The following DTNA variants were observed in gnomAD, a reference collection of about 807,000 sequenced individuals.
DTNA encodes dystrophin-related protein 3.
In DTNA, 43 loss-of-function variants were observed where a neutral mutation model predicts 100.7. The observed-to-expected ratio is 0.43, with a 90% CI of 0.33 to 0.55. The LOEUF (loss-of-function observed/expected upper bound fraction) is 0.55. Among genes scored for constraint, DTNA ranks in the 20% least tolerant of loss-of-function variants. The pLI, the probability that DTNA is intolerant of heterozygous loss-of-function variation, is 0.04. For missense variants in DTNA, 798 were observed against 953.9 expected, an observed-to-expected ratio of 0.84 and a Z score of 2.15; for synonymous variants, 349 against 347.9, an observed-to-expected ratio of 1.00 and a Z score of -0.04.
At chr18:34,788,949 T>A (rs2094605442) in intron 3 of DTNA, among the ~76,000 whole-genome samples, 1 of 152,226 alleles carries the variant, frequency 6.6e-6, no homozygotes, top group African/African-American at 2.4e-5. Flanking sequence ...TCATCTATTA[T>A]GTAAATACAC....
intron 1 of DTNA, among the ~76,000 whole-genome samples, chr18:34,662,289 G>A (rs1047980063): frequency 6.6e-6 from 1 of 152,044 alleles, no homozygotes; most frequent in Non-Finnish European, 1.5e-5. Flanking sequence ...AATGTGACTG[G>A]TCTCCTTGAC....
At position 34,851,917 on chromosome 18, in the gene DTNA, A is replaced by T. The variant is rs1326471049; in HGVS notation, c.1521A>T (p.Glu507Asp). Reference sequence around the variant, plus strand: ...AAAGGCAGCTGATTGCTGAGCTAGAAAACAAGAACAGGTGAGACTTTGTAG... The same window carrying T: ...AAAGGCAGCTGATTGCTGAGCTAGATAACAAGAACAGGTGAGACTTTGTAG... ...KQQRQLIAEL[E>D]NKNREILQEI... The change falls in exon 15 of 23, where the codon GAA (glutamate) becomes GAT (aspartate). Residue 507 changes from glutamate (E) to aspartate (D), a missense_variant. Physicochemically the swap from Glu to Asp is conservative, Grantham distance 45. Transcript: ENST00000444659. 2 of 1,613,914 alleles carry T rather than the reference A, an allele frequency of 1.2e-6. No homozygotes were observed. Among genetic ancestry groups the T allele is most frequent in the Admixed American group, 3.3e-5 (2 of 60,002 alleles).
At chr18:34,786,760 T>G (rs904861887) in intron 3 of DTNA, among the ~76,000 whole-genome samples, 3 of 152,230 alleles carry the variant, frequency 2.0e-5, no homozygotes, top group African/African-American at 7.2e-5. Flanking sequence ...CACATCATAA[T>G]GCAATGAGTG....
chr18:34,746,891 G>C (rs2091667812), intron 1 of DTNA, among the ~76,000 whole-genome samples: 1 of 152,062 alleles, frequency 6.6e-6, no homozygotes, highest in Non-Finnish European at 1.5e-5. Flanking sequence ...CTCTTACCAA[G>C]CCAAATGTCA....
chr18:34,675,084 G>A (rs2145237911), intron 1 of DTNA, among the ~76,000 whole-genome samples: 1 of 152,228 alleles, frequency 6.6e-6, no homozygotes, highest in Admixed American at 6.5e-5. Flanking sequence ...AGGACTCAAA[G>A]GAACTCGGAC....
chr18:34,647,952 A>G (rs2060037146), intron 1 of DTNA, among the ~76,000 whole-genome samples: 1 of 152,208 alleles, frequency 6.6e-6, no homozygotes, highest in Non-Finnish European at 1.5e-5. Flanking sequence ...GCTGTAAAAG[A>G]AAGCAGTAGG....
chr18:34,824,224 C>G lies in DTNA; in HGVS notation c.1001+3309C>G, dbSNP rs577185184. On this transcript the variant is annotated intron_variant, in intron 9 of 22. Coordinates refer to ENST00000444659, the MANE Select transcript of DTNA (RefSeq NM_001386795.1). The stretch of plus-strand genomic sequence containing the variant: ...GGCACAGTGGCTCACGCCTGTAATC[C>G]CAGCACTTGGGGAGGCTGAGGCGGG... Among the ~76,000 whole-genome samples the G allele has an allele frequency of 4.6e-5, 7 of 152,266 alleles. No homozygotes were observed. In the South Asian group the frequency reaches 1.5e-3, roughly 32 times the overall value.
At chr18:34,671,877 C>T (rs2076805446) in intron 1 of DTNA, among the ~76,000 whole-genome samples, 1 of 152,110 alleles carries the variant, frequency 6.6e-6, no homozygotes, top group South Asian at 2.1e-4. Flanking sequence ...CAAATGAATG[C>T]ATGGAAATTA....
At chr18:34,803,797 A>T (rs114934098) in intron 4 of DTNA, among the ~76,000 whole-genome samples, 1 of 152,210 alleles carries the variant, frequency 6.6e-6, no homozygotes, top group Non-Finnish European at 1.5e-5. Flanking sequence ...TTGCATTTCT[A>T]TTACAGCTAC....
At chr18:34,602,730 G>A (rs2052167605) in intron 1 of DTNA, among the ~76,000 whole-genome samples, 1 of 151,722 alleles carries the variant, frequency 6.6e-6, no homozygotes, top group Admixed American at 6.6e-5. Flanking sequence ...CAAAAAAAGA[G>A]GCCCGGCGTG....
intron 4 of DTNA, 120 bp from the exon 5 acceptor site, chr18:34,806,099 A>G (rs2095353295): frequency 7.3e-6 from 6 of 822,426 alleles, no homozygotes; most frequent in Admixed American, 2.0e-5. Context: ...GCATGCAGCT[A>G]TGTATCCTGT....
intron 1 of DTNA, among the ~76,000 whole-genome samples, chr18:34,746,795 G>T (rs1350501719): frequency 2.0e-5 from 3 of 152,130 alleles, no homozygotes; most frequent in African/African-American, 7.2e-5. Context: ...ATGCCAATCT[G>T]CTCCCAGCCT....
upstream of DTNA, among the ~76,000 whole-genome samples, chr18:34,707,090 A>G (rs933691508): frequency 3.3e-5 from 5 of 152,196 alleles, no homozygotes; most frequent in African/African-American, 9.6e-5. Context: ...AACATTGGCC[A>G]TCAACGTTTT....
At chr18:34,670,291 C>A (rs1427770820) in intron 1 of DTNA, among the ~76,000 whole-genome samples, 1 of 152,160 alleles carries the variant, frequency 6.6e-6, no homozygotes, top group African/African-American at 2.4e-5. Flanking sequence ...TTAAGGACTT[C>A]TCTGCATTGG....
intron 1 of DTNA, among the ~76,000 whole-genome samples, chr18:34,551,835 G>A (rs575481671): frequency 1.3e-5 from 2 of 152,224 alleles, no homozygotes; most frequent in Admixed American, 6.5e-5. Flanking sequence ...AATATACAAT[G>A]AAAATTTACC....
intron 4 of DTNA, among the ~76,000 whole-genome samples, chr18:34,796,450 C>T (rs994598869): frequency 6.6e-6 from 1 of 152,184 alleles, no homozygotes; most frequent in African/African-American, 2.4e-5. Flanking sequence ...CCACCTGTCC[C>T]ACGACAGAGT....
intron 7 of DTNA, among the ~76,000 whole-genome samples, chr18:34,816,376 G>T (rs116998180): frequency 6.6e-6 from 1 of 151,954 alleles, no homozygotes; most frequent in South Asian, 2.1e-4. Flanking sequence ...TTCTTCCCAG[G>T]CACTCAGCCA....
chr18:34,612,415 C>T (rs1405921640), intron 1 of DTNA, among the ~76,000 whole-genome samples: 1 of 152,120 alleles, frequency 6.6e-6, no homozygotes, highest in East Asian at 1.9e-4. Context: ...GGATCCTGTA[C>T]AAATGCTCAA....
intron 15 of DTNA, among the ~76,000 whole-genome samples, chr18:34,856,469 G>C (rs2096553907): frequency 6.6e-6 from 1 of 152,224 alleles, no homozygotes; most frequent in Non-Finnish European, 1.5e-5. Context: ...CTTTGGTGGA[G>C]CCAGTCAGGG....
Sources: gnomAD v4.1 joint callset for allele counts (sites outside exome capture counted in the v4.1 genomes callset) on GRCh38, gnomAD v4.1.1 for gene constraint, MANE v1.5 for transcripts, NCBI Gene and HGNC (gene_info 2026-07-23, HGNC 2026-07-21) for gene names.